Variants in CRACD observed in about 807,000 individuals in gnomAD.
CRACD encodes the protein capping protein inhibiting regulator of actin dynamics, also known as capping protein-inhibiting regulator of actin dynamics.
A neutral mutation model predicts 106.8 loss-of-function variants in CRACD; 56 were observed. That is an observed-to-expected ratio of 0.52 (90% CI 0.42 to 0.66). The LOEUF is 0.66. Among genes scored for constraint, CRACD ranks in the 30% least tolerant of loss-of-function variants. The pLI is 0.00. For missense variants in CRACD, 1,730 were observed against 1,623.2 expected (o/e 1.07, Z -1.13); for synonymous variants, 754 against 670.8 (o/e 1.12, Z -1.92).
intron 2 of CRACD, among the ~76,000 whole-genome samples, chr4:56,182,433 CA>C (rs775391262): frequency 4.5e-4 from 63 of 140,074 alleles, no homozygotes; most frequent in Non-Finnish European, 4.2e-4. Flanking sequence ...AACAAAGAAA[CA>C]AAAAAAAAAA....
chr4:56,088,032 AT>A (rs1733288900), intron 1 of CRACD, among the ~76,000 whole-genome samples: 1 of 152,134 alleles, frequency 6.6e-6, no homozygotes, highest in African/African-American at 2.4e-5. Flanking sequence ...ACACTTGAAA[AT>A]TCTTTCAAGA....
At chr4:56,304,505 T>C (rs1054596273) in intron 4 of CRACD, among the ~76,000 whole-genome samples, 1 of 152,142 alleles carries the variant, frequency 6.6e-6, no homozygotes. Context: ...AGGCCAGGTG[T>C]GATGGCTCAT....
chr4:56,276,508 C>T (rs1742681692), intron 3 of CRACD, among the ~76,000 whole-genome samples: 1 of 152,118 alleles, frequency 6.6e-6, no homozygotes, highest in African/African-American at 2.4e-5. Context: ...AGTGTATTCA[C>T]TTTTGCATAG....
rs776928746 is a variant in CRACD, at chr4:56,314,069, G to C, written c.567G>C (p.Glu189Asp). 2 of 1,614,068 alleles carry C rather than the reference G, an allele frequency of 1.2e-6. No homozygotes were observed. Among genetic ancestry groups the C allele is most frequent in the South Asian group, 2.2e-5 (2 of 91,082 alleles). ...QDPQHEQGGL[E>D]SRPCLDQNGH... ...CACAACATGAGCAAGGCGGCCTTGA[G>C]AGTCGGCCCTGCCTGGACCAGAACG... Residue 189 changes from glutamate (E) to aspartate (D), a missense_variant, in exon 8 of 11, where the codon GAG becomes GAC. By Grantham distance (45) the Glu-to-Asp change is conservative. Coordinates refer to ENST00000682029, the MANE Select transcript of CRACD (RefSeq NM_001393381.1). This position sits in a 1 kb window ranked among gnomAD's most constrained non-coding sequence, Gnocchi z 4.4.
intron 2 of CRACD, among the ~76,000 whole-genome samples, chr4:56,189,805 TTTA>T (rs1028777976): frequency 6.8e-6 from 1 of 148,096 alleles, no homozygotes; most frequent in Admixed American, 6.7e-5. Flanking sequence ...TTAAATTTTA[TTTA>T]TTATTATTAC....
intron 1 of CRACD, among the ~76,000 whole-genome samples, chr4:56,059,929 T>G (rs2109784520): frequency 6.6e-6 from 1 of 152,250 alleles, no homozygotes; most frequent in South Asian, 2.1e-4. Flanking sequence ...TGTGATCCAC[T>G]TGCCTCGGCC....
At chr4:56,146,641 CTT>C (rs1735392919) in intron 1 of CRACD, among the ~76,000 whole-genome samples, 1 of 148,430 alleles carries the variant, frequency 6.7e-6, no homozygotes, top group African/African-American at 2.5e-5. Context: ...CGGCCCTGCT[CTT>C]TTAATATAGG....
intron 1 of CRACD, among the ~76,000 whole-genome samples, chr4:56,154,736 C>T (rs1735711775): frequency 6.6e-6 from 1 of 152,030 alleles, no homozygotes; most frequent in African/African-American, 2.4e-5. Context: ...CCAAGGAGGA[C>T]AGAAATGTAG....
At chr4:56,107,441 A>G (rs1265180882) in intron 1 of CRACD, among the ~76,000 whole-genome samples, 1 of 152,218 alleles carries the variant, frequency 6.6e-6, no homozygotes, top group Non-Finnish European at 1.5e-5. Flanking sequence ...CATGCTTAGT[A>G]AATTTTAGCT....
chr4:56,147,874 C>A (rs1366022261), intron 1 of CRACD, among the ~76,000 whole-genome samples: 1 of 152,046 alleles, frequency 6.6e-6, no homozygotes, highest in Non-Finnish European at 1.5e-5. Flanking sequence ...ATGATAAAGC[C>A]CTAATTGCTA....
At position 56,221,751 on chromosome 4, in the gene CRACD, G is replaced by A. The variant is rs536973810; in HGVS notation, c.-189+42321G>A. 5.9e-5 allele frequency among the ~76,000 whole-genome samples: 9 copies of A among 152,228 alleles called. No individual in the cohort carries two copies. In the South Asian group the frequency reaches 1.7e-3, roughly 28 times the overall value. ...ACATGAACAGACATTTCTCAAAAGAGGATGTACAAATGGCCAAGAAACATG... is the reference window on the plus strand; with the variant it reads ...ACATGAACAGACATTTCTCAAAAGAAGATGTACAAATGGCCAAGAAACATG... On this transcript the variant is annotated intron_variant, in intron 2 of 10. Transcript: ENST00000682029.
intron 1 of CRACD, among the ~76,000 whole-genome samples, chr4:56,175,914 G>A (rs542876520): frequency 4.6e-5 from 7 of 152,234 alleles, no homozygotes; most frequent in African/African-American, 1.7e-4. Flanking sequence ...CATAGATTCA[G>A]GTCTTACATT....
chr4:56,313,410 A>G, intron 7 of CRACD, 31 bp downstream of exon 7: 2 of 1,589,358 alleles, frequency 1.3e-6, no homozygotes, highest in Non-Finnish European at 1.7e-6. Flanking sequence ...CTGACCAGGC[A>G]GGTGCCCTTG....
chr4:56,186,570 C>A (rs1737103354), intron 2 of CRACD, among the ~76,000 whole-genome samples: 1 of 152,170 alleles, frequency 6.6e-6, no homozygotes, highest in Admixed American at 6.5e-5. Context: ...TCTTCCCTCC[C>A]TCCATTAACA....
intron 1 of CRACD, among the ~76,000 whole-genome samples, chr4:56,098,799 C>A (rs2109828768): frequency 6.6e-6 from 1 of 152,138 alleles, no homozygotes; most frequent in East Asian, 1.9e-4. Flanking sequence ...TCAAGCAATT[C>A]TCGTGCCTCA....
chr4:56,295,660 C>CATATATAT (rs57635563), intron 3 of CRACD, among the ~76,000 whole-genome samples: 1 of 109,118 alleles, frequency 9.2e-6, no homozygotes, highest in Non-Finnish European at 1.8e-5. Context: ...AATTAGTAAA[C>CATATATAT]ATATATATAT....
At chr4:56,096,264 C>G (rs1560449647) in intron 1 of CRACD, among the ~76,000 whole-genome samples, 1 of 152,062 alleles carries the variant, frequency 6.6e-6, no homozygotes, top group Non-Finnish European at 1.5e-5. Flanking sequence ...ACCCAGAGAG[C>G]AAGAATCAAT....
intron 1 of CRACD, among the ~76,000 whole-genome samples, chr4:56,164,136 ATTT>A (rs34769096): frequency 7.1e-6 from 1 of 141,336 alleles, no homozygotes; most frequent in Non-Finnish European, 1.5e-5. Context: ...ACAGGAGATA[ATTT>A]TTTTTTTTTT....
rs770496330 is a variant in CRACD, at chr4:56,328,395, A to G, written c.*591A>G. The G allele has an allele frequency of 1.9e-6, 1 of 518,882 alleles. No homozygotes were observed. The highest frequency in any genetic ancestry group is 5.4e-5 in the East Asian group (1 of 18,352). 32.1% of individuals were successfully genotyped at this position (518,882 alleles called of 1,614,324 possible). The stretch of plus-strand genomic sequence containing the variant: ...TGAGTTTTCCCCACTCTGAAGCTGT[A>G]ACCCAGAAGGCACATCCATTCACAT... On this transcript the variant is annotated 3_prime_UTR_variant, in exon 11 of 11. Transcript: ENST00000682029.
Sources: gnomAD v4.1 joint callset for allele counts (sites outside exome capture counted in the v4.1 genomes callset) on GRCh38, gnomAD v4.1.1 for gene constraint, Gnocchi (gnomAD v3.1) non-coding constraint, MANE v1.5 for transcripts, NCBI Gene and HGNC (gene_info 2026-07-23, HGNC 2026-07-21) for gene names.